Variants in MITF observed in about 807,000 individuals in gnomAD.
The protein encoded by MITF is microphthalmia-associated transcription factor.
A neutral mutation model predicts 60.5 loss-of-function variants in MITF; 17 were observed. The observed-to-expected ratio is 0.28, with a 90% confidence interval of 0.19 to 0.42. The LOEUF is 0.42. Among genes scored for constraint, MITF ranks in the 10% least tolerant of loss-of-function variants. The probability of loss-of-function intolerance (pLI) is 1.00; values close to 1 mark genes in which losing one functional copy is unlikely to be tolerated. For missense variants in MITF, 622 were observed against 683.5 expected (o/e 0.91, Z 1.00); for synonymous variants, 260 against 248.5 (o/e 1.05, Z -0.43).
intron 1 of MITF, among the ~76,000 whole-genome samples, chr3:69,790,036 G>A (rs376804656): frequency 1.3e-5 from 2 of 152,108 alleles, no homozygotes; most frequent in African/African-American, 4.8e-5. Context: ...TCCATCAGCA[G>A]GTGAATGGAT....
chr3:69,792,726 G>T (rs2062760354), intron 1 of MITF, among the ~76,000 whole-genome samples: 1 of 151,944 alleles, frequency 6.6e-6, no homozygotes, highest in Non-Finnish European at 1.5e-5. Flanking sequence ...AGTACATTTA[G>T]CTCAAAATCG....
chr3:69,833,867 C>T (rs2063496619), intron 1 of MITF, among the ~76,000 whole-genome samples: 1 of 152,238 alleles, frequency 6.6e-6, no homozygotes, highest in Non-Finnish European at 1.5e-5. Context: ...TGTCCACCTG[C>T]ATTCCTTCAG....
chr3:69,963,427 CT>C (rs984859392), intron 9 of MITF, among the ~76,000 whole-genome samples: 2 of 152,126 alleles, frequency 1.3e-5, no homozygotes, highest in African/African-American at 4.8e-5. Flanking sequence ...TACCATCCCC[CT>C]AGACCAAAAG....
chr3:69,949,964 A>G (rs2066201160), intron 6 of MITF, among the ~76,000 whole-genome samples: 1 of 152,204 alleles, frequency 6.6e-6, no homozygotes, highest in Non-Finnish European at 1.5e-5. Context: ...GTTCCAGTCA[A>G]GGATGTCTTA....
intron 1 of MITF, among the ~76,000 whole-genome samples, chr3:69,753,990 A>G (rs916748904): frequency 2.6e-5 from 4 of 152,172 alleles, no homozygotes; most frequent in African/African-American, 7.2e-5. Flanking sequence ...AGGAAGAAGG[A>G]TATGTGATTT....
chr3:69,895,808 T>TTGTG (rs35088149), intron 2 of MITF, among the ~76,000 whole-genome samples: 6,976 of 140,050 alleles, frequency 0.05, 210 homozygotes, highest in East Asian at 0.09. Context: ...TGTGGAGTGT[T>TTGTG]TGTGTGTGTG....
chr3:69,831,135 A>C (rs943260704), intron 1 of MITF, among the ~76,000 whole-genome samples: 3 of 152,174 alleles, frequency 2.0e-5, no homozygotes, highest in African/African-American at 7.2e-5. Flanking sequence ...CCATACTTAA[A>C]TATTGGTTGC....
At chr3:69,852,333 C>T (rs2063838700) in intron 1 of MITF, among the ~76,000 whole-genome samples, 1 of 152,204 alleles carries the variant, frequency 6.6e-6, no homozygotes, top group African/African-American at 2.4e-5. Context: ...CTAGTCAACC[C>T]CTCTTCTAAG....
At chr3:69,924,245 G>A (rs1371674181) in intron 2 of MITF, among the ~76,000 whole-genome samples, 6 of 152,130 alleles carry the variant, frequency 3.9e-5, no homozygotes, top group Admixed American at 2.6e-4. Context: ...TGCCAGCAAC[G>A]CCACAGAAGA....
chr3:69,835,963 T>G lies in MITF; in HGVS notation c.105-43171T>G, dbSNP rs1185213701. The stretch of plus-strand genomic sequence containing the variant: ...TTGCTTTAGCTATTCTGGGTTTTTT[T>G]GTGATCTCATATGAATTTTAGGATT... On this transcript the variant is annotated intron_variant, in intron 1 of 9. Coordinates refer to ENST00000352241, the MANE Select transcript of MITF (RefSeq NM_001354604.2). Among the ~76,000 whole-genome samples, 4 of 152,218 alleles carry G rather than the reference T, an allele frequency of 2.6e-5. No individual in the cohort carries two copies. The East Asian group carries it at 7.7e-4, about 29-fold the overall frequency.
chr3:69,937,390 G>GTGTA (rs1306687583), intron 2 of MITF, among the ~76,000 whole-genome samples: 1 of 151,878 alleles, frequency 6.6e-6, no homozygotes, highest in African/African-American at 2.4e-5. Context: ...GTGTGTGTGT[G>GTGTA]TGTGTGTGTG....
intron 1 of MITF, among the ~76,000 whole-genome samples, chr3:69,788,992 T>A (rs2062696511): frequency 6.6e-6 from 1 of 152,080 alleles, no homozygotes; most frequent in Non-Finnish European, 1.5e-5. Flanking sequence ...ATAAAACTCC[T>A]AGAAGAAGAT....
chr3:69,932,049 A>G (rs527484501), intron 2 of MITF, among the ~76,000 whole-genome samples: 1 of 152,362 alleles, frequency 6.6e-6, no homozygotes, highest in South Asian at 2.1e-4. Context: ...TTACGTATAC[A>G]TATACTATTT....
chr3:69,865,193 A>G (rs1423468773), intron 1 of MITF, among the ~76,000 whole-genome samples: 2 of 152,208 alleles, frequency 1.3e-5, no homozygotes, highest in Non-Finnish European at 2.9e-5. Context: ...GTTAAAAAAA[A>G]AGATAATTTC....
chr3:69,749,994 T>C (rs528961847), intron 1 of MITF, among the ~76,000 whole-genome samples: 2 of 152,274 alleles, frequency 1.3e-5, no homozygotes, highest in African/African-American at 4.8e-5. Flanking sequence ...ATGAGAGAGT[T>C]TGATGGTGCT....
At chr3:69,804,319 A>T (rs1266415963) in intron 1 of MITF, among the ~76,000 whole-genome samples, 1 of 107,724 alleles carries the variant, frequency 9.3e-6, no homozygotes. Context: ...CCTCTCCCCT[A>T]CCCCCTTTCC....
At chr3:69,810,180 TTAG>T (rs1380379885) in intron 1 of MITF, among the ~76,000 whole-genome samples, 1 of 152,202 alleles carries the variant, frequency 6.6e-6, no homozygotes, top group Non-Finnish European at 1.5e-5. Context: ...TTTCAAAAGC[TTAG>T]TACAGATTTT....
At position 69,960,827 on chromosome 3, in the gene MITF, T is replaced by A. The variant is rs143570638; in HGVS notation, c.1179+1407T>A. ...ATTCACTTATAATAATGGTCTCCAGTCTTCTGAATGCTTATATTTTGAAAT... is the reference window on the plus strand; with the variant it reads ...ATTCACTTATAATAATGGTCTCCAGACTTCTGAATGCTTATATTTTGAAAT... On this transcript the variant is annotated intron_variant, in intron 9 of 9. Transcript: ENST00000352241. Among the ~76,000 whole-genome samples, 58 of 152,300 alleles carry A rather than the reference T, an allele frequency of 3.8e-4. No homozygotes were observed. In the East Asian group the frequency reaches 0.011, roughly 28 times the overall value.
chr3:69,844,538 T>A (rs2063696840), intron 1 of MITF, among the ~76,000 whole-genome samples: 1 of 152,132 alleles, frequency 6.6e-6, no homozygotes, highest in African/African-American at 2.4e-5. Context: ...ACCTAGGCAA[T>A]ACCATTCAGG....
Sources: gnomAD v4.1 joint callset for allele counts (sites outside exome capture counted in the v4.1 genomes callset) on GRCh38, gnomAD v4.1.1 for gene constraint, MANE v1.5 for transcripts, NCBI Gene and HGNC (gene_info 2026-07-23, HGNC 2026-07-21) for gene names.